The following GHRL variants were observed in gnomAD, a reference collection of about 807,000 sequenced individuals.
The protein encoded by GHRL is appetite-regulating hormone.
GHRL carries 24 observed loss-of-function variants against 16.9 expected under a neutral mutation model. That is an observed-to-expected ratio of 1.42 (90% CI 1.03 to 2.00). GHRL has a LOEUF of 2.00. Among genes scored for constraint, GHRL ranks in the 30% most tolerant of loss-of-function variants. The probability of loss-of-function intolerance (pLI) is 0.00; values close to 1 mark genes in which losing one functional copy is unlikely to be tolerated. For missense variants in GHRL, 193 were observed against 142.1 expected, an observed-to-expected ratio of 1.36 and a Z score of -1.82; for synonymous variants, 63 against 58.2, an observed-to-expected ratio of 1.08 and a Z score of -0.37.
chr3:10,290,248 C>A, intron 2 of GHRL, 39 bp from the exon 3 acceptor site: 1 of 1,556,602 alleles, frequency 6.4e-7, no homozygotes, highest in Non-Finnish European at 8.7e-7. Context: ...GCCTCCCCTT[C>A]TCATGTGCCT....
Position 10,285,770 on chromosome 3 carries a change from G to T in GHRL, c.*105C>A, listed in dbSNP as rs747672256. On this transcript the variant is annotated 3_prime_UTR_variant, in exon 6 of 6. Transcript: ENST00000335542. ...CAGCATACAGTTTGAACATTTATTCGCCTCCTGAGCTTGTACAACAGTCGT... is the reference window on the plus strand; with the variant it reads ...CAGCATACAGTTTGAACATTTATTCTCCTCCTGAGCTTGTACAACAGTCGT... 2 of 803,508 alleles carry T rather than the reference G, an allele frequency of 2.5e-6. No homozygotes were observed. The highest frequency in any genetic ancestry group is 4.3e-6 in the Non-Finnish European group (2 of 465,888). The allele number at this position is 803,508 out of a possible 1,614,324, so 49.8% of individuals were successfully genotyped here. A position where few individuals can be genotyped will look rare whatever the true frequency, so the allele number is the denominator to read the frequency against.
Position 10,291,254 on chromosome 3 carries a change from G to C in GHRL, c.-568C>G, listed in dbSNP as rs1027454526. On this transcript the variant is annotated 5_prime_UTR_variant, in exon 2 of 6. Transcript: ENST00000335542. ...AGGAGTCCCACCTCCCGGTTGAGCA[G>C]ACTGCTCCTGATCATCCTCTCCAGA... is the stretch of plus-strand genomic sequence containing the variant. The C allele has an allele frequency of 2.0e-6, 2 of 985,410 alleles. No individual in the cohort carries two copies. The highest frequency in any genetic ancestry group is 3.5e-5 in the African/African-American group (2 of 57,262). The allele number at this position is 985,410 out of a possible 1,614,324, so 61.0% of individuals were successfully genotyped here.
intron 5 of GHRL, 92 bp from the exon 6 acceptor site, chr3:10,285,986 G>T: frequency 8.6e-7 from 1 of 1,160,498 alleles, no homozygotes; most frequent in Non-Finnish European, 1.3e-6. Flanking sequence ...GGGATGTAAT[G>T]GTGGGGGTTG....
intron 4 of GHRL, chr3:10,287,888 G>C (rs1699312768): frequency 6.7e-6 from 1 of 150,020 alleles, no homozygotes; most frequent in Non-Finnish European, 1.5e-5. Flanking sequence ...CATGAAGGTG[G>C]ACCCAGTGGG....
chr3:10,290,934 C>T lies in GHRL; in HGVS notation c.-248G>A. Reference sequence around the variant, plus strand: ...ATTGCTGGGTTGGCGAGGGAAGAAGCATGTGCTCCAGCTGTCCCTGGAACA... The same window carrying T: ...ATTGCTGGGTTGGCGAGGGAAGAAGTATGTGCTCCAGCTGTCCCTGGAACA... On this transcript the variant is annotated 5_prime_UTR_variant, in exon 2 of 6. An upstream start codon of the reference 5' UTR is lost. Transcript: ENST00000335542. The T allele has an allele frequency of 1.0e-6, 1 of 985,758 alleles. No individual in the cohort carries two copies. The highest frequency in any genetic ancestry group is 4.7e-5 in the South Asian group (1 of 21,296). The allele number at this position is 985,758 out of a possible 1,614,324, so 61.1% of individuals were successfully genotyped here. A position where few individuals can be genotyped will look rare whatever the true frequency, so the allele number is the denominator to read the frequency against.
intron 1 of GHRL, 31 bp from the exon 2 acceptor site, chr3:10,291,482 G>A: frequency 1.0e-6 from 1 of 984,866 alleles, no homozygotes; most frequent in Non-Finnish European, 1.2e-6. Context: ...CTTAGCACGG[G>A]CCTGGCTCCT....
intron 2 of GHRL, 43 bp from the exon 3 acceptor site, chr3:10,290,252 T>C (rs2125214653): frequency 7.7e-6 from 12 of 1,554,400 alleles, no homozygotes; most frequent in South Asian, 1.2e-5. Context: ...CCCCTTCTCA[T>C]GTGCCTCTGA....
In GHRL at chr3:10,291,045, G is replaced by A. The variant is rs1574840604; in HGVS notation, c.-359C>T. The stretch of plus-strand genomic sequence containing the variant: ...TCTGGGGTCTGGGTGCAGCTTTGTT[G>A]CTGTGTGACCTTAGCTTACTCGCCC... On this transcript the variant is annotated 5_prime_UTR_variant, in exon 2 of 6. Coordinates refer to ENST00000335542, the MANE Select transcript of GHRL (RefSeq NM_016362.5). The A allele has an allele frequency of 4.1e-6, 4 of 985,654 alleles. No individual in the cohort carries two copies. The highest frequency in any genetic ancestry group is 3.6e-6 in the Non-Finnish European group (3 of 830,056). The allele number at this position is 985,654 out of a possible 1,614,324, so 61.1% of individuals were successfully genotyped here.
intron 5 of GHRL, 34 bp from the exon 6 acceptor site, chr3:10,285,928 T>C (rs1023136475): frequency 1.3e-6 from 2 of 1,598,790 alleles, no homozygotes; most frequent in Non-Finnish European, 1.7e-6. Flanking sequence ...GAATGCTGGG[T>C]GCACCGTCCT....
chr3:10,287,914 ATTTTTTTTTTTT>A lies in GHRL; in HGVS notation c.226-1114_226-1103del, dbSNP rs1014353877. 1.3e-4 allele frequency: 10 copies of A among 76,780 alleles called. 1 individual carries two copies. The highest frequency in any genetic ancestry group is 1.2e-3 in the Admixed American group (9 of 7,660). 4.8% of individuals were successfully genotyped at this position (76,780 alleles called of 1,614,324 possible). Reference sequence around the variant, plus strand: ...ACCCAGTGGGGAATGACATGATTGAATTTTTTTTTTTTTTTTTTTTTTTTTTTAAGGAGAGTT... The same window carrying A: ...ACCCAGTGGGGAATGACATGATTGAATTTTTTTTTTTTTTTAAGGAGAGTT... On this transcript the variant is annotated intron_variant, in intron 4 of 5. Coordinates refer to ENST00000335542, the MANE Select transcript of GHRL (RefSeq NM_016362.5).
In GHRL at chr3:10,289,682, G is replaced by A. The variant is rs577541443; in HGVS notation, c.225+80C>T. 5.4e-5 allele frequency: 48 copies of A among 887,434 alleles called. No individual in the cohort carries two copies. The South Asian group carries it at 6.0e-4, about 11-fold the overall frequency. The allele number at this position is 887,434 out of a possible 1,614,324, so 55.0% of individuals were successfully genotyped here. On this transcript the variant is annotated intron_variant, in intron 4 of 5. Coordinates refer to ENST00000335542, the MANE Select transcript of GHRL (RefSeq NM_016362.5). ...GCTTGTAGTTGGGACCCTGTTCACT[G>A]CCACCTCTCCCTGCCCTCCCTCTCC... is the stretch of plus-strand genomic sequence containing the variant.
intron 4 of GHRL, chr3:10,287,847 C>G (rs565563392): frequency 6.6e-6 from 1 of 152,662 alleles, no homozygotes; most frequent in Non-Finnish European, 1.5e-5. Flanking sequence ...TATGCGTTCC[C>G]TTTTCGAAAT....
In GHRL at chr3:10,289,700, C is replaced by T. The variant is rs111636901; in HGVS notation, c.225+62G>A. On this transcript the variant is annotated intron_variant, in intron 4 of 5. Transcript: ENST00000335542. Reference sequence around the variant, plus strand: ...GTTCACTGCCACCTCTCCCTGCCCTCCCTCTCCCCTGACCCCACCCTCCTC... The same window carrying T: ...GTTCACTGCCACCTCTCCCTGCCCTTCCTCTCCCCTGACCCCACCCTCCTC... 6.9e-4 allele frequency: 696 copies of T among 1,001,844 alleles called. 1 individual carries two copies. The highest frequency in any genetic ancestry group is 2.2e-3 in the Middle Eastern group (10 of 4,570). The allele number at this position is 1,001,844 out of a possible 1,614,324, so 62.1% of individuals were successfully genotyped here.
intron 5 of GHRL, among the ~76,000 whole-genome samples, chr3:10,286,201 A>G (rs967304986): frequency 6.6e-6 from 1 of 152,150 alleles, no homozygotes; most frequent in African/African-American, 2.4e-5. Context: ...TGCCACCTCA[A>G]TCAGTTGGGC....
rs1446577726 is a variant in GHRL at position 10,291,128 on chromosome 3, T to C, written c.-442A>G. The C allele has an allele frequency of 8.1e-6, 8 of 985,636 alleles. No homozygotes were observed. The South Asian group carries it at 3.8e-4, about 46-fold the overall frequency. 61.1% of individuals were successfully genotyped at this position (985,636 alleles called of 1,614,324 possible). A position where few individuals can be genotyped will look rare whatever the true frequency, so the allele number is the denominator to read the frequency against. On this transcript the variant is annotated 5_prime_UTR_variant, in exon 2 of 6. Transcript: ENST00000335542. ...TAGGAGAGCTCTGAGACCTCCCCAGTCCAGCGCCCCGTTGTTTCCCATGTG... is the reference window on the plus strand; with the variant it reads ...TAGGAGAGCTCTGAGACCTCCCCAGCCCAGCGCCCCGTTGTTTCCCATGTG...
At chr3:10,289,919 A>G (rs1699710560) in intron 3 of GHRL, 41 bp from the exon 4 acceptor site, 1 of 1,528,484 alleles carries the variant, frequency 6.5e-7, no homozygotes, top group Admixed American at 1.7e-5. Flanking sequence ...CTAAGCCCCC[A>G]TGTCCTTCCA....
Position 10,290,105 on chromosome 3 carries a change from T to C in GHRL, c.76A>G (p.Ser26Gly). The change falls in exon 3 of 6, where the codon AGC becomes GGC. Residue 26 changes from serine (S) to glycine (G), a missense_variant. Coordinates refer to ENST00000335542, the MANE Select transcript of GHRL (RefSeq NM_016362.5). ...LWLDLAMAGSSFLSPEHQRVQ... is the reference protein window; with the variant it reads ...LWLDLAMAGSGFLSPEHQRVQ... ...CTCTGGTGTTCAGGGCTCAGGAAGC[T>C]GGAGCCTGCCATGGCCAAGTCCAGC... 3 of 1,613,022 alleles carry C rather than the reference T, an allele frequency of 1.9e-6. No homozygotes were observed. Among genetic ancestry groups the C allele is most frequent in the South Asian group, 2.2e-5 (2 of 90,852 alleles).
At chr3:10,287,741 C>A (rs1047689387) in intron 4 of GHRL, among the ~76,000 whole-genome samples, 1 of 152,140 alleles carries the variant, frequency 6.6e-6, no homozygotes, top group Non-Finnish European at 1.5e-5. Context: ...CTGTGTGAGG[C>A]CAGGCGTCCT....
At position 10,289,758 on chromosome 3, in the gene GHRL, C is replaced by G; in HGVS notation, c.225+4G>C. The G allele has an allele frequency of 6.4e-7, 1 of 1,566,088 alleles. No homozygotes were observed. The highest frequency in any genetic ancestry group is 8.8e-7 in the Non-Finnish European group (1 of 1,136,420). On this transcript the variant is annotated splice_donor_region_variant and intron_variant, in intron 4 of 5. Coordinates refer to ENST00000335542, the MANE Select transcript of GHRL (RefSeq NM_016362.5). ...CAGAAGCATAAAACTGCAGAGGTAC[C>G]GACCCGGACTTCCAGTTCATCCTCT... is the stretch of plus-strand genomic sequence containing the variant.
Sources: gnomAD v4.1 joint callset for allele counts (sites outside exome capture counted in the v4.1 genomes callset) on GRCh38, gnomAD v4.1.1 for gene constraint, MANE v1.5 for transcripts, NCBI Gene and HGNC (gene_info 2026-07-23, HGNC 2026-07-21) for gene names.